GFOD1: variants seen among roughly 807,000 people sequenced by gnomAD.
GFOD1 encodes glucose-fructose oxidoreductase domain-containing protein 1.
Under a neutral mutation model 25.4 loss-of-function variants are expected in GFOD1, and 9 were observed. That is an observed-to-expected ratio of 0.35 (90% CI 0.21 to 0.62). GFOD1 has a LOEUF of 0.62. Ranked by LOEUF, GFOD1 falls within the 20% of genes least tolerant of loss-of-function variation. The pLI, the probability that GFOD1 is intolerant of heterozygous loss-of-function variation, is 0.72. For synonymous variants in GFOD1, 253 were observed against 245.6 expected (o/e 1.03, Z -0.28); for missense variants, 403 against 556.9 (o/e 0.72, Z 2.78).
intron 1 of GFOD1, among the ~76,000 whole-genome samples, chr6:13,391,244 G>T (rs1785600576): frequency 6.6e-6 from 1 of 152,086 alleles, no homozygotes; most frequent in Non-Finnish European, 1.5e-5. Flanking sequence ...TTATCTGACG[G>T]TGCTAGCTAG....
At chr6:13,442,688 T>C (rs1757935843) in intron 1 of GFOD1, among the ~76,000 whole-genome samples, 2 of 152,326 alleles carry the variant, frequency 1.3e-5, no homozygotes, top group South Asian at 4.1e-4. Flanking sequence ...CTGTGCTCTA[T>C]ACATGGAACA....
chr6:13,426,519 C>T lies in GFOD1; in HGVS notation c.253+60119G>A, dbSNP rs113574831. Among the ~76,000 whole-genome samples, 5 of 152,300 alleles carry T rather than the reference C, an allele frequency of 3.3e-5. 1 individual carries two copies. The highest frequency in any genetic ancestry group is 1.2e-4 in the African/African-American group (5 of 41,556). ...TCTGCGTCACTGTCCTTTGGTCTCT[C>T]AAGGATCCCACTTCCATTGCCTGTC... On this transcript the variant is annotated intron_variant, in intron 1 of 1. Coordinates refer to ENST00000379287, the MANE Select transcript of GFOD1 (RefSeq NM_018988.4).
intron 1 of GFOD1, among the ~76,000 whole-genome samples, chr6:13,390,378 C>A (rs535002541): frequency 1.7e-3 from 260 of 152,056 alleles, no homozygotes; most frequent in African/African-American, 6.0e-3. Context: ...ATCACTTAAA[C>A]CCAGGAGTTC....
chr6:13,486,247 T>TCCCCCCCCCCCCCCCCC (rs373896526), intron 1 of GFOD1: 13 of 116,330 alleles, frequency 1.1e-4, no homozygotes, highest in East Asian at 5.0e-4. Context: ...CACCCCCCCA[T>TCCCCCCCCCCCCCCCCC]CCCCCCCCCC....
chr6:13,469,323 A>G, intron 1 of GFOD1: 1 of 984,806 alleles, frequency 1.0e-6, no homozygotes. Context: ...TTCAAAAATA[A>G]GTTATAATCA....
chr6:13,375,239 C>T (rs189697862), intron 1 of GFOD1, among the ~76,000 whole-genome samples: 5 of 152,312 alleles, frequency 3.3e-5, no homozygotes, highest in African/African-American at 9.6e-5. Flanking sequence ...CTTCTGATCA[C>T]CCTTCTCTTA....
chr6:13,457,115 C>A (rs72826959), intron 1 of GFOD1, among the ~76,000 whole-genome samples: 1 of 152,146 alleles, frequency 6.6e-6, no homozygotes, highest in South Asian at 2.1e-4. Flanking sequence ...CTGCCCAACA[C>A]GGAAAGTGAA....
chr6:13,470,129 T>C (rs759491166), intron 1 of GFOD1: 5 of 1,484,034 alleles, frequency 3.4e-6, no homozygotes, highest in Non-Finnish European at 4.6e-6. Context: ...AGTTGGAAAA[T>C]CCTGTTGGTG....
intron 1 of GFOD1, among the ~76,000 whole-genome samples, chr6:13,452,452 G>A (rs1264464824): frequency 1.3e-5 from 2 of 152,140 alleles, no homozygotes; most frequent in Non-Finnish European, 1.5e-5. Context: ...TGAACAACAG[G>A]CAGTTGTAGC....
intron 1 of GFOD1, among the ~76,000 whole-genome samples, chr6:13,368,413 G>C (rs1159726702): frequency 1.3e-5 from 2 of 152,224 alleles, no homozygotes; most frequent in East Asian, 3.9e-4. Flanking sequence ...ATCGCCAAAA[G>C]TGCCACACAC....
intron 1 of GFOD1, among the ~76,000 whole-genome samples, chr6:13,390,629 A>G (rs1432548319): frequency 4.0e-5 from 6 of 151,792 alleles, no homozygotes; most frequent in Non-Finnish European, 7.4e-5. Context: ...AGGGAGGCTG[A>G]GGCAGGAGGA....
chr6:13,439,696 T>A (rs1002883408), intron 1 of GFOD1, among the ~76,000 whole-genome samples: 2 of 152,238 alleles, frequency 1.3e-5, no homozygotes, highest in African/African-American at 4.8e-5. Context: ...GGGAAACATG[T>A]ATGTTAGATA....
rs1239671760 is a variant in GFOD1, at chr6:13,460,451, T to G, written c.253+26187A>C. Among the ~76,000 whole-genome samples the G allele has an allele frequency of 4.7e-4, 72 of 152,248 alleles. 2 individuals are homozygous for G. Among genetic ancestry groups the G allele is most frequent in the East Asian group, 3.9e-4 (2 of 5,188 alleles). On this transcript the variant is annotated intron_variant, in intron 1 of 1. Transcript: ENST00000379287. Reference sequence around the variant, plus strand: ...GATAGACTGGATAAAGAAAATGTGGTACATATACACCATGGAATACTATGC... The same window carrying G: ...GATAGACTGGATAAAGAAAATGTGGGACATATACACCATGGAATACTATGC...
intron 1 of GFOD1, among the ~76,000 whole-genome samples, chr6:13,398,837 G>C (rs894175256): frequency 6.6e-6 from 1 of 152,172 alleles, no homozygotes; most frequent in African/African-American, 2.4e-5. Context: ...GGTAGGGAGG[G>C]ACATCCAGGG....
At chr6:13,427,070 A>T (rs7740220) in intron 1 of GFOD1, among the ~76,000 whole-genome samples, 17,346 of 152,170 alleles carry the variant, frequency 0.11, 1,839 homozygotes, top group African/African-American at 0.28. Flanking sequence ...GTGGCTCCGA[A>T]GTTGTGTGTG....
At position 13,363,877 on chromosome 6, in the gene GFOD1, C is replaced by T. The variant is rs1364863201; in HGVS notation, c.*866G>A. 3 of 152,170 alleles carry T rather than the reference C, an allele frequency of 2.0e-5. No homozygotes were observed. The highest frequency in any genetic ancestry group is 3.9e-4 in the East Asian group (2 of 5,190). 9.4% of individuals were successfully genotyped at this position (152,170 alleles called of 1,614,324 possible). ...CCACGTGGCAGGGCTACCTTAACAC[C>T]GCAGTAATCCCTCTGATACTCAATT... On this transcript the variant is annotated 3_prime_UTR_variant, in exon 2 of 2. Coordinates refer to ENST00000379287, the MANE Select transcript of GFOD1 (RefSeq NM_018988.4).
chr6:13,486,953 C>A lies in GFOD1; in HGVS notation c.-63G>T. The A allele has an allele frequency of 3.2e-6, 5 of 1,552,290 alleles. No individual in the cohort carries two copies. The highest frequency in any genetic ancestry group is 4.3e-6 in the Non-Finnish European group (5 of 1,152,528). ...TCTCCAGTCCAACGCGCGCACACAC[C>A]CACCTCTAGCCAGTCCTGCACCCCG... On this transcript the variant is annotated 5_prime_UTR_variant, in exon 1 of 2. Coordinates refer to ENST00000379287, the MANE Select transcript of GFOD1 (RefSeq NM_018988.4).
At chr6:13,437,203 T>C (rs1447366109) in intron 1 of GFOD1, among the ~76,000 whole-genome samples, 1 of 152,084 alleles carries the variant, frequency 6.6e-6, no homozygotes, top group Admixed American at 6.5e-5. Context: ...ATACCCAACC[T>C]GGTATTGGGT....
intron 1 of GFOD1, among the ~76,000 whole-genome samples, chr6:13,389,580 A>G (rs1344905203): frequency 6.6e-6 from 1 of 151,912 alleles, no homozygotes; most frequent in Non-Finnish European, 1.5e-5. Context: ...ACATGGACAC[A>G]GAGCAGGGAA....
Sources: allele counts gnomAD v4.1 joint callset (sites outside exome capture counted in the v4.1 genomes callset), GRCh38; gene constraint gnomAD v4.1.1; transcripts MANE v1.5; gene names NCBI Gene and HGNC (gene_info 2026-07-23, HGNC 2026-07-21).